The following NR5A2 variants were observed in gnomAD, a reference collection of about 807,000 sequenced individuals.
NR5A2 encodes nuclear receptor subfamily 5 group A member 2, also known as CYP7A promoter-binding factor.
A neutral mutation model predicts 62.7 loss-of-function variants in NR5A2; 26 were observed. The observed-to-expected ratio is 0.41, with a 90% confidence interval of 0.30 to 0.58. NR5A2 has a LOEUF of 0.58. Among genes scored for constraint, NR5A2 ranks in the 20% least tolerant of loss-of-function variants. NR5A2 has a pLI of 0.22. For missense variants in NR5A2, 541 were observed against 669.1 expected, an observed-to-expected ratio of 0.81 and a Z score of 2.11; for synonymous variants, 246 against 241.7, an observed-to-expected ratio of 1.02 and a Z score of -0.16.
At position 200,039,734 on chromosome 1, in the gene NR5A2, G is replaced by T; in HGVS notation, c.141G>T (p.Thr47=). Residue 47 remains threonine, a synonymous_variant, in exon 2 of 8, where the codon ACG becomes ACT. Coordinates refer to ENST00000367362, the MANE Select transcript of NR5A2 (RefSeq NM_205860.3). This position sits in a 1 kb window ranked among gnomAD's most constrained non-coding sequence, Gnocchi z 5.1. ...TTGTCATGCTGCCCAAAGTGGAGAC[G>T]GAAGCCCTGGGACTGGCTCGATCGC... ...GRLVMLPKVE[T]EALGLARSHG... 1 of 1,612,010 alleles carries T rather than the reference G, an allele frequency of 6.2e-7. No individual in the cohort carries two copies. The highest frequency in any genetic ancestry group is 8.5e-7 in the Non-Finnish European group (1 of 1,179,094).
At chr1:200,105,708 T>G (rs1665618234) in intron 5 of NR5A2, among the ~76,000 whole-genome samples, 1 of 152,140 alleles carries the variant, frequency 6.6e-6, no homozygotes. Flanking sequence ...TCCCAGCACT[T>G]TGGAACACCA....
chr1:200,174,420 T>C lies in NR5A2; in HGVS notation c.*210T>C. 2 of 424,210 alleles carry C rather than the reference T, an allele frequency of 4.7e-6. No homozygotes were observed. The highest frequency in any genetic ancestry group is 3.9e-6 in the Non-Finnish European group (1 of 256,404). The allele number at this position is 424,210 out of a possible 1,614,324, so 26.3% of individuals were successfully genotyped here. On this transcript the variant is annotated 3_prime_UTR_variant, in exon 8 of 8. Transcript: ENST00000367362. ...GTATCAGGGTATTTGTATTGCAAACTGTGAATCAAAGGCTTCACAGCCCCA... is the reference window on the plus strand; with the variant it reads ...GTATCAGGGTATTTGTATTGCAAACCGTGAATCAAAGGCTTCACAGCCCCA...
chr1:200,042,643 G>A (rs1036562809), intron 2 of NR5A2, among the ~76,000 whole-genome samples: 1 of 152,230 alleles, frequency 6.6e-6, no homozygotes, highest in Non-Finnish European at 1.5e-5. Context: ...AGCCTGGTGC[G>A]CCCACGGGTT....
chr1:200,093,567 G>C (rs1372079605), intron 5 of NR5A2, among the ~76,000 whole-genome samples: 2 of 152,264 alleles, frequency 1.3e-5, no homozygotes, highest in East Asian at 3.9e-4. Flanking sequence ...TGAATATTGA[G>C]AAAACAGCAG....
At chr1:200,152,444 C>T (rs2102366006) in intron 7 of NR5A2, among the ~76,000 whole-genome samples, 1 of 152,174 alleles carries the variant, frequency 6.6e-6, no homozygotes, top group East Asian at 1.9e-4. Flanking sequence ...AGCAAGAAGG[C>T]AAAAACGTGC....
chr1:200,034,783 CTTTTT>C (rs767393832), intron 1 of NR5A2, among the ~76,000 whole-genome samples: 10,469 of 70,374 alleles, frequency 0.15, 709 homozygotes, highest in East Asian at 0.22. Context: ...AGCAGAAAGG[CTTTTT>C]TTTTTTTTTT....
intron 7 of NR5A2, among the ~76,000 whole-genome samples, chr1:200,151,434 C>T (rs868243082): frequency 6.6e-6 from 1 of 152,192 alleles, no homozygotes; most frequent in Non-Finnish European, 1.5e-5. Context: ...CAAGCAGCTA[C>T]AGAAAAATCA....
intron 7 of NR5A2, among the ~76,000 whole-genome samples, chr1:200,159,628 T>A (rs1158255047): frequency 6.8e-6 from 1 of 147,722 alleles, no homozygotes; most frequent in Non-Finnish European, 1.5e-5. Context: ...TTTGAAAAGA[T>A]TTTTTAAATT....
rs868467372 is a variant in NR5A2, at chr1:200,052,878, G to A, written c.1110+4060G>A. Among the ~76,000 whole-genome samples, 19 of 152,058 alleles carry A rather than the reference G, an allele frequency of 1.2e-4. 1 individual carries two copies. In the South Asian group the frequency reaches 2.7e-3, roughly 22 times the overall value. ...GATGGTCTTGATCTCCTGACCTTGC[G>A]ATCCGCCCGCCTTGGCCTCCCAAAG... is the stretch of plus-strand genomic sequence containing the variant. On this transcript the variant is annotated intron_variant, in intron 5 of 7. Transcript: ENST00000367362.
intron 5 of NR5A2, among the ~76,000 whole-genome samples, chr1:200,085,453 G>A (rs1199103797): frequency 6.6e-6 from 1 of 152,168 alleles, no homozygotes; most frequent in African/African-American, 2.4e-5. Flanking sequence ...AGGCCTTGGA[G>A]TCACACTTGG....
chr1:200,148,143 G>A, intron 7 of NR5A2: 1 of 369,994 alleles, frequency 2.7e-6, no homozygotes, highest in Non-Finnish European at 4.4e-6. Context: ...CACGCTGGAG[G>A]AGGTGTCCAA....
intron 6 of NR5A2, among the ~76,000 whole-genome samples, chr1:200,112,571 T>A (rs1036832386): frequency 3.9e-5 from 6 of 152,146 alleles, no homozygotes; most frequent in African/African-American, 1.4e-4. Flanking sequence ...AATCAAAATT[T>A]CCCAATCAAA....
intron 5 of NR5A2, among the ~76,000 whole-genome samples, chr1:200,093,788 C>T (rs1664929365): frequency 6.6e-6 from 1 of 152,170 alleles, no homozygotes; most frequent in Non-Finnish European, 1.5e-5. Context: ...AAGCTCGAGT[C>T]TGAGGCAAGT....
chr1:200,142,164 A>G (rs1039926007), intron 7 of NR5A2, among the ~76,000 whole-genome samples: 2 of 140,420 alleles, frequency 1.4e-5, no homozygotes, highest in Non-Finnish European at 3.1e-5. Context: ...TGTTTTGAAT[A>G]ATTGTTTTTT....
chr1:200,073,268 TTATATA>T (rs371537456), intron 5 of NR5A2, among the ~76,000 whole-genome samples: 68 of 111,016 alleles, frequency 6.1e-4, no homozygotes, highest in Non-Finnish European at 8.8e-4. Context: ...ATATTCCCCT[TTATATA>T]TATATATATA....
intron 7 of NR5A2, among the ~76,000 whole-genome samples, chr1:200,154,372 A>G (rs1485660990): frequency 1.4e-4 from 22 of 152,232 alleles, no homozygotes; most frequent in Non-Finnish European, 3.1e-4. Context: ...AGACCAAAAC[A>G]TGCAAAGTCT....
At chr1:200,168,667 A>T (rs1317504117) in intron 7 of NR5A2, among the ~76,000 whole-genome samples, 2 of 152,166 alleles carry the variant, frequency 1.3e-5, no homozygotes, top group African/African-American at 4.8e-5. Flanking sequence ...TGGAAACTGG[A>T]GACAGAATCT....
chr1:200,100,656 C>T (rs915508964), intron 5 of NR5A2, among the ~76,000 whole-genome samples: 14 of 152,164 alleles, frequency 9.2e-5, no homozygotes, highest in Non-Finnish European at 1.0e-4. Flanking sequence ...TTGCCATCAG[C>T]GTACACTGAG....
intron 1 of NR5A2, among the ~76,000 whole-genome samples, chr1:200,035,734 T>A (rs1661747176): frequency 6.6e-6 from 1 of 151,968 alleles, no homozygotes; most frequent in Non-Finnish European, 1.5e-5. Context: ...CCTTCGTAAT[T>A]GCAACCGTCA....
Sources: gnomAD v4.1 joint callset for allele counts (sites outside exome capture counted in the v4.1 genomes callset) on GRCh38, gnomAD v4.1.1 for gene constraint, Gnocchi (gnomAD v3.1) non-coding constraint, MANE v1.5 for transcripts, NCBI Gene and HGNC (gene_info 2026-07-23, HGNC 2026-07-21) for gene names.